NPC1: variants seen among roughly 807,000 people sequenced by gnomAD.
NPC1 encodes Niemann-Pick C1 protein.
NPC1 carries 85 observed loss-of-function variants against 140.4 expected under a neutral mutation model. The observed-to-expected ratio is 0.61, with a 90% confidence interval of 0.51 to 0.72. The LOEUF (loss-of-function observed/expected upper bound fraction) is 0.72. Ranked by LOEUF, NPC1 falls within the 30% of genes least tolerant of loss-of-function variation. NPC1 has a pLI of 0.00. For missense variants in NPC1, 1,504 were observed against 1,623.8 expected (o/e 0.93, Z 1.27); for synonymous variants, 656 against 624.8 (o/e 1.05, Z -0.74).
At chr18:23,540,072 G>C in intron 17 of NPC1, 71 bp from the exon 18 acceptor site, 1 of 1,335,948 alleles carries the variant, frequency 7.5e-7, no homozygotes, top group African/African-American at 1.4e-5. Flanking sequence ...CGAGGATCAT[G>C]GAGAATAAGA....
intron 20 of NPC1, 121 bp from the exon 21 acceptor site, chr18:23,536,997 C>T (rs932334340): frequency 7.8e-6 from 6 of 771,678 alleles, no homozygotes; most frequent in Admixed American, 6.0e-5. Flanking sequence ...CCCAGCTGTA[C>T]ATTTCAGGGA....
At chr18:23,552,522 G>C (rs1226263886) in intron 9 of NPC1, among the ~76,000 whole-genome samples, 1 of 152,240 alleles carries the variant, frequency 6.6e-6, no homozygotes, top group Non-Finnish European at 1.5e-5. Flanking sequence ...TACAAAGATA[G>C]CTTGCGTGGC....
chr18:23,509,200 A>G (rs201825808), intron 3 of NPC1: 1 of 1,393,624 alleles, frequency 7.2e-7, no homozygotes, highest in Non-Finnish European at 9.4e-7. Context: ...TAGACTAAGA[A>G]TGCCAACATT....
chr18:23,556,792 C>T, intron 7 of NPC1, 179 bp from the exon 8 acceptor site: 1 of 933,796 alleles, frequency 1.1e-6, no homozygotes, highest in South Asian at 1.5e-5. Flanking sequence ...TGTTGGCTGC[C>T]CTCAATGAGC....
chr18:23,513,468 G>A (rs189986808), intron 3 of NPC1, among the ~76,000 whole-genome samples: 1 of 152,324 alleles, frequency 6.6e-6, no homozygotes, highest in East Asian at 1.9e-4. Context: ...GGTTGCTTCT[G>A]CCTCTTGGCC....
chr18:23,520,450 G>A (rs2058113971), downstream of NPC1: 2 of 725,588 alleles, frequency 2.8e-6, no homozygotes, highest in East Asian at 5.9e-5. Flanking sequence ...TTTTGCCAGG[G>A]GCCATTTGTT....
At chr18:23,556,173 A>T (rs1267357904) in intron 8 of NPC1, 70 bp downstream of exon 8, 1 of 1,329,442 alleles carries the variant, frequency 7.5e-7, no homozygotes, top group Non-Finnish European at 1.1e-6. Context: ...ATCTAGCAGT[A>T]GTCAACATGT....
intron 16 of NPC1, 94 bp downstream of exon 16, chr18:23,540,974 A>T: frequency 7.1e-7 from 1 of 1,401,730 alleles, no homozygotes; most frequent in Non-Finnish European, 1.0e-6. Flanking sequence ...TAACAGCTTT[A>T]AGAATCTCCT....
rs558452690 is a variant in NPC1 at position 23,560,428 on chromosome 18, G to A, written c.684C>T (p.Asp228=). ...EPMNNATKGC[D]ESVDEVTAPC... The stretch of plus-strand genomic sequence containing the variant: ...GTGCTGTGACCTCATCCACAGACTC[G>A]TCACAGCCTTTGGTGGCATTGTTCA... Residue 228 remains aspartate (D), a synonymous_variant, in exon 6 of 25, where the codon GAC becomes GAT. Transcript: ENST00000269228. The A allele has an allele frequency of 1.4e-5, 23 of 1,614,136 alleles. No individual in the cohort carries two copies. The highest frequency in any genetic ancestry group is 6.7e-5 in the East Asian group (3 of 44,882).
chr18:23,573,667 C>A, intron 1 of NPC1, 93 bp from the exon 2 acceptor site: 2 of 1,451,450 alleles, frequency 1.4e-6, no homozygotes, highest in Non-Finnish European at 1.9e-6. Context: ...ACAGAAACTT[C>A]CAATGCTACC....
chr18:23,568,898 C>G lies in NPC1; in HGVS notation c.388G>C (p.Val130Leu). ...TTCGTCTGGTTTGTAACAGGATCAA[C>G]ATAATCTTCAGTAGCTGTAACATTC... Reference protein sequence around the residue: ...FLNVTATEDYVDPVTNQTKTN... With the variant: ...FLNVTATEDYLDPVTNQTKTN... Residue 130 changes from valine (V) to leucine (L), a missense_variant, in exon 4 of 25, where the codon GTT becomes CTT. Physicochemically the swap from Val to Leu is conservative, Grantham distance 32. Transcript: ENST00000269228. The G allele has an allele frequency of 6.2e-7, 1 of 1,613,944 alleles. No individual in the cohort carries two copies.
intron 3 of NPC1, among the ~76,000 whole-genome samples, chr18:23,570,950 A>G (rs1218251548): frequency 1.3e-5 from 2 of 152,184 alleles, no homozygotes; most frequent in Non-Finnish European, 2.9e-5. Context: ...ATGATGTGCA[A>G]AGCAAAGCAT....
In NPC1 at chr18:23,531,868, A is replaced by G. The variant is rs886053664; in HGVS notation, c.*334T>C. The stretch of plus-strand genomic sequence containing the variant: ...ATGGCTTACTCCTAAAAGGAGAGAC[A>G]GACAGTGCATTGATTGGCCTTTACA... On this transcript the variant is annotated 3_prime_UTR_variant, in exon 25 of 25. Coordinates refer to ENST00000269228, the MANE Select transcript of NPC1 (RefSeq NM_000271.5). 3 of 1,448,440 alleles carry G rather than the reference A, an allele frequency of 2.1e-6. No homozygotes were observed. Among genetic ancestry groups the G allele is most frequent in the Non-Finnish European group, 2.7e-6 (3 of 1,108,682 alleles). 89.7% of individuals were successfully genotyped at this position (1,448,440 alleles called of 1,614,324 possible).
Position 23,532,011 on chromosome 18 carries a change from G to C in NPC1, c.*191C>G. ...GTTTAGTGTCCTGTGGTTGCCTCCA[G>C]ATCTAGTAATACTGCTTCCCAAGTC... On this transcript the variant is annotated 3_prime_UTR_variant, in exon 25 of 25. Transcript: ENST00000269228. The C allele has an allele frequency of 6.7e-7, 1 of 1,500,924 alleles. No homozygotes were observed. The highest frequency in any genetic ancestry group is 1.3e-5 in the South Asian group (1 of 76,540). The allele number at this position is 1,500,924 out of a possible 1,614,324, so 93.0% of individuals were successfully genotyped here.
chr18:23,532,025 G>A lies in NPC1; in HGVS notation c.*177C>T. 6.5e-7 allele frequency: 1 copy of A among 1,529,290 alleles called. No individual in the cohort carries two copies. The highest frequency in any genetic ancestry group is 8.8e-7 in the Non-Finnish European group (1 of 1,140,646). The allele number at this position is 1,529,290 out of a possible 1,614,324, so 94.7% of individuals were successfully genotyped here. On this transcript the variant is annotated 3_prime_UTR_variant, in exon 25 of 25. Coordinates refer to ENST00000269228, the MANE Select transcript of NPC1 (RefSeq NM_000271.5). ...GGTTGCCTCCAGATCTAGTAATACT[G>A]CTTCCCAAGTCAACTGTGCATTCCT...
At chr18:23,534,137 A>T (rs1057412043) in intron 23 of NPC1, 38 of 502,948 alleles carry the variant, frequency 7.6e-5, no homozygotes, top group Admixed American at 1.3e-4. Flanking sequence ...CCAACCGCAC[A>T]TCACACGCTG....
intron 11 of NPC1, 42 bp downstream of exon 11, chr18:23,547,964 C>G (rs1419209615): frequency 8.7e-7 from 1 of 1,154,302 alleles, no homozygotes. Context: ...TCTAGCTTCC[C>G]ACAATGCAAG....
At chr18:23,575,877 A>C (rs985275798) in intron 1 of NPC1, among the ~76,000 whole-genome samples, 4 of 149,940 alleles carry the variant, frequency 2.7e-5, no homozygotes, top group African/African-American at 9.8e-5. Context: ...GCTTGAGCCC[A>C]GGAGTTTGAG....
At chr18:23,511,435 C>T (rs954346615) in intron 3 of NPC1, among the ~76,000 whole-genome samples, 1 of 152,086 alleles carries the variant, frequency 6.6e-6, no homozygotes, top group Non-Finnish European at 1.5e-5. Context: ...CATGAGTTTA[C>T]GTATGTAACA....
Sources: gnomAD v4.1 joint callset for allele counts (sites outside exome capture counted in the v4.1 genomes callset) on GRCh38, gnomAD v4.1.1 for gene constraint, MANE v1.5 for transcripts, NCBI Gene and HGNC (gene_info 2026-07-23, HGNC 2026-07-21) for gene names.